TMEM266: variants seen among roughly 807,000 people sequenced by gnomAD.
TMEM266 encodes transmembrane protein 266.
In TMEM266, 33 loss-of-function variants were observed where a neutral mutation model predicts 50.5. The ratio of observed to expected loss-of-function variants is 0.65; its 90% CI spans 0.50 to 0.87. The LOEUF is 0.87. TMEM266 is among the 40% of genes least tolerant of loss of function. The pLI, the probability that TMEM266 is intolerant of heterozygous loss-of-function variation, is 0.00. For synonymous variants in TMEM266, 310 were observed against 292.3 expected (o/e 1.06, Z -0.62); for missense variants, 655 against 695.1 (o/e 0.94, Z 0.65).
In TMEM266 at chr15:76,168,608, C is replaced by T. The variant is rs1029897686; in HGVS notation, c.457-1208C>T. 2.0e-5 allele frequency among the ~76,000 whole-genome samples: 3 copies of T among 152,238 alleles called. No individual in the cohort carries two copies. Among genetic ancestry groups the T allele is most frequent in the Non-Finnish European group, 4.4e-5 (3 of 68,042 alleles). Reference sequence around the variant, plus strand: ...ATGTCCTCTTGGTGAGGAAACCGCTCCTGAAGGCAGCACCATTCGGGAATT... The same window carrying T: ...ATGTCCTCTTGGTGAGGAAACCGCTTCTGAAGGCAGCACCATTCGGGAATT... On this transcript the variant is annotated intron_variant, in intron 5 of 10. Coordinates refer to ENST00000388942, the MANE Select transcript of TMEM266 (RefSeq NM_152335.3). This position sits in a 1 kb window ranked among gnomAD's most constrained non-coding sequence, Gnocchi z 4.4.
At chr15:76,138,651 G>C (rs2142032767) in intron 3 of TMEM266, among the ~76,000 whole-genome samples, 1 of 152,354 alleles carries the variant, frequency 6.6e-6, no homozygotes, top group East Asian at 1.9e-4. Flanking sequence ...TAGGATGTAA[G>C]GGAATCTAGA....
intron 9 of TMEM266, 45 bp downstream of exon 9, chr15:76,192,202 A>C (rs560224495): frequency 7.2e-7 from 1 of 1,384,412 alleles, no homozygotes; most frequent in Admixed American, 3.5e-5. Context: ...ACGGCCGGGG[A>C]TCCCCCTCGC....
rs758938634 is a variant in TMEM266, at chr15:76,192,049, C to T, written c.850C>T (p.Pro284Ser). Residue 284 changes from proline to serine, a missense_variant, in exon 9 of 11, where the codon CCG (proline) becomes TCG (serine). Coordinates refer to ENST00000388942, the MANE Select transcript of TMEM266 (RefSeq NM_152335.3). The stretch of plus-strand genomic sequence containing the variant: ...CGAGCGCGAAGCGGCGCTCCAGGCC[C>T]CGCACGTGCTCAGCCAGCCGCGCAG... 1 of 1,539,538 alleles carries T rather than the reference C, an allele frequency of 6.5e-7. No individual in the cohort carries two copies.
At chr15:76,135,411 G>A (rs964350439) in intron 2 of TMEM266, among the ~76,000 whole-genome samples, 1 of 152,316 alleles carries the variant, frequency 6.6e-6, no homozygotes, top group African/African-American at 2.4e-5. Context: ...GAAGGGGAAC[G>A]TGAGGCAGAA....
intron 3 of TMEM266, among the ~76,000 whole-genome samples, chr15:76,150,584 GCCA>G (rs977690727): frequency 4.6e-5 from 7 of 152,142 alleles, no homozygotes. Context: ...TCCCCTCTCT[GCCA>G]CCACGTGTCC....
intron 1 of TMEM266, among the ~76,000 whole-genome samples, chr15:76,077,661 C>G (rs76020251): frequency 0.017 from 2,537 of 152,056 alleles, 95 homozygotes; most frequent in African/African-American, 0.058. Context: ...GCAACGTGAC[C>G]GTGGATACAG....
chr15:76,086,818 C>G (rs1024387934), intron 1 of TMEM266, among the ~76,000 whole-genome samples: 2 of 152,036 alleles, frequency 1.3e-5, no homozygotes, highest in African/African-American at 4.8e-5. Context: ...CAAAGTTATA[C>G]TCCTGTGCAA....
intron 1 of TMEM266, among the ~76,000 whole-genome samples, chr15:76,109,612 G>A (rs997337308): frequency 1.3e-5 from 2 of 152,138 alleles, no homozygotes; most frequent in African/African-American, 4.8e-5. Context: ...CATGAGCCAT[G>A]ATCCTGCCTC....
intron 1 of TMEM266, among the ~76,000 whole-genome samples, chr15:76,093,053 G>A (rs1429653527): frequency 6.6e-6 from 1 of 151,534 alleles, no homozygotes; most frequent in Non-Finnish European, 1.5e-5. Flanking sequence ...TGATCCACCC[G>A]CCTCGGCCTC....
chr15:76,186,477 G>A (rs1046791140), intron 8 of TMEM266, among the ~76,000 whole-genome samples: 11 of 152,192 alleles, frequency 7.2e-5, no homozygotes, highest in African/African-American at 2.7e-4. Context: ...CCTTCTCAGG[G>A]CAAGATGGAC....
intron 8 of TMEM266, among the ~76,000 whole-genome samples, chr15:76,179,370 C>T (rs974192187): frequency 3.3e-5 from 5 of 152,162 alleles, no homozygotes; most frequent in African/African-American, 1.2e-4. Context: ...CCACCAGCCC[C>T]ACCACACCTG....
chr15:76,154,873 C>T (rs2037901140), intron 3 of TMEM266, among the ~76,000 whole-genome samples: 1 of 152,208 alleles, frequency 6.6e-6, no homozygotes, highest in South Asian at 2.1e-4. Flanking sequence ...CAGGCTTTCC[C>T]TGGATGGACT....
At chr15:76,098,178 G>C (rs760599008) in intron 1 of TMEM266, among the ~76,000 whole-genome samples, 5 of 152,034 alleles carry the variant, frequency 3.3e-5, no homozygotes, top group Non-Finnish European at 7.4e-5. Flanking sequence ...AGGAGAAGAG[G>C]CATTTTGGTT....
chr15:76,197,179 A>G (rs752463607), intron 9 of TMEM266, among the ~76,000 whole-genome samples: 1 of 152,196 alleles, frequency 6.6e-6, no homozygotes, highest in African/African-American at 2.4e-5. Flanking sequence ...CTGGCTGATC[A>G]TGAAGGCAAG....
At chr15:76,147,599 C>T (rs559009942) in intron 3 of TMEM266, among the ~76,000 whole-genome samples, 10 of 152,266 alleles carry the variant, frequency 6.6e-5, no homozygotes, top group South Asian at 6.2e-4. Context: ...TAGTAGGCTC[C>T]GGTTTCAAGG....
chr15:76,063,000 T>C (rs1466661652), intron 1 of TMEM266, among the ~76,000 whole-genome samples: 1 of 152,234 alleles, frequency 6.6e-6, no homozygotes, highest in African/African-American at 2.4e-5. Context: ...TATTTGTTTT[T>C]CCTTGATCGA....
At chr15:76,086,936 G>GT (rs371532872) in intron 1 of TMEM266, among the ~76,000 whole-genome samples, 10 of 151,654 alleles carry the variant, frequency 6.6e-5, no homozygotes, top group African/African-American at 2.2e-4. Flanking sequence ...GTCGGGGGGG[G>GT]GGCGGTGGTG....
rs769426905 is a variant in TMEM266, at chr15:76,156,718, C to T, written c.342C>T (p.Leu114=). The change falls in exon 4 of 11, where the codon CTC becomes CTT. Residue 114 remains leucine (L), a synonymous_variant. Coordinates refer to ENST00000388942, the MANE Select transcript of TMEM266 (RefSeq NM_152335.3). ...CCTGTGTAATATTGGTGGTGATTCT[C>T]CTGACTCTGGAACTTCTAATAGATA... The T allele has an allele frequency of 7.4e-6, 12 of 1,614,078 alleles. No individual in the cohort carries two copies. The highest frequency in any genetic ancestry group is 9.3e-6 in the Non-Finnish European group (11 of 1,180,010).
chr15:76,152,076 C>T (rs1375527431), intron 3 of TMEM266, among the ~76,000 whole-genome samples: 1 of 152,176 alleles, frequency 6.6e-6, no homozygotes, highest in African/African-American at 2.4e-5. Context: ...AGATCCCACC[C>T]CCAGTCTCCA....
Sources: allele counts gnomAD v4.1 joint callset (sites outside exome capture counted in the v4.1 genomes callset), GRCh38; gene constraint gnomAD v4.1.1; non-coding constraint Gnocchi (gnomAD v3.1); transcripts MANE v1.5; gene names NCBI Gene and HGNC (gene_info 2026-07-23, HGNC 2026-07-21).